The following HAPLN3 variants were observed in gnomAD, a reference collection of about 807,000 sequenced individuals.
HAPLN3 encodes the protein hyaluronan and proteoglycan link protein 3.
In HAPLN3, 28 loss-of-function variants were observed where a neutral mutation model predicts 28.1. The observed-to-expected ratio is 1.00, with a 90% CI of 0.74 to 1.37. The LOEUF (loss-of-function observed/expected upper bound fraction) is 1.37, where lower values mean the gene tolerates loss of function less well. HAPLN3 is among the 40% of genes most tolerant of loss of function. The pLI is 0.00. For synonymous variants in HAPLN3, 211 were observed against 213.1 expected, an observed-to-expected ratio of 0.99 and a Z score of 0.09; for missense variants, 513 against 504.6, an observed-to-expected ratio of 1.02 and a Z score of -0.16.
intron 2 of HAPLN3, among the ~76,000 whole-genome samples, chr15:88,884,598 T>A (rs567712507): frequency 1.7e-4 from 26 of 152,198 alleles, no homozygotes; most frequent in African/African-American, 5.3e-4. Context: ...AGGGCTTGTA[T>A]AACAAAATAA....
At chr15:88,892,558 C>T (rs1898040675) in intron 1 of HAPLN3, among the ~76,000 whole-genome samples, 2 of 152,126 alleles carry the variant, frequency 1.3e-5, no homozygotes, top group Non-Finnish European at 1.5e-5. Context: ...CCAGGCCTCT[C>T]TGAGAGAGGA....
chr15:88,885,084 C>A (rs1329663125), intron 2 of HAPLN3, among the ~76,000 whole-genome samples: 1 of 152,224 alleles, frequency 6.6e-6, no homozygotes, highest in African/African-American at 2.4e-5. Context: ...GGAGACTAAT[C>A]AAAAGAGGGA....
At chr15:88,891,298 A>AT (rs1417420706) in intron 1 of HAPLN3, among the ~76,000 whole-genome samples, 1 of 148,768 alleles carries the variant, frequency 6.7e-6, no homozygotes, top group African/African-American at 2.5e-5. Flanking sequence ...CATTTATTTT[A>AT]TTTTTGTTTT....
intron 2 of HAPLN3, among the ~76,000 whole-genome samples, chr15:88,884,828 C>T (rs564723603): frequency 6.6e-6 from 1 of 151,816 alleles, no homozygotes; most frequent in South Asian, 2.1e-4. Flanking sequence ...GAGAAGACCA[C>T]GTGACCAAGG....
At chr15:88,894,857 C>T (rs1337931650) in intron 1 of HAPLN3, among the ~76,000 whole-genome samples, 1 of 152,218 alleles carries the variant, frequency 6.6e-6, no homozygotes, top group Non-Finnish European at 1.5e-5. Flanking sequence ...CCTCCACCCT[C>T]CCTACCCTTC....
Position 88,879,056 on chromosome 15 carries a change from G to T in HAPLN3, c.707C>A (p.Pro236Gln). 1 of 1,606,066 alleles carries T rather than the reference G, an allele frequency of 6.2e-7. No individual in the cohort carries two copies. The change falls in exon 4 of 5, where the codon CCG (proline) becomes CAG (glutamine). Residue 236 changes from proline (P) to glutamine (Q), a missense_variant. Physicochemically the swap from Pro to Gln is moderately conservative, Grantham distance 76. Transcript: ENST00000359595. This position sits in a 1 kb window ranked among gnomAD's most constrained non-coding sequence, Gnocchi z 5.0. ...GCTTCGCACGCCAGGTGCCAGGCCC[G>T]GGCCACCGCAGGGCTGCCGGGGCAA... ...IMLPRQPCGG[P>Q]GLAPGVRSYG...
chr15:88,893,433 G>A (rs1321109542), intron 1 of HAPLN3, among the ~76,000 whole-genome samples: 1 of 151,740 alleles, frequency 6.6e-6, no homozygotes, highest in African/African-American at 2.4e-5. Flanking sequence ...AAAAAAATGG[G>A]CTGTGGTGAC....
rs1260649215 is a variant in HAPLN3 at position 88,881,808 on chromosome 15, G to A, written c.125-83C>T. On this transcript the variant is annotated intron_variant, in intron 2 of 4. Transcript: ENST00000359595. The surrounding 1 kb of genome is among the most constrained non-coding windows in gnomAD (Gnocchi z 6.0). Reference sequence around the variant, plus strand: ...AGGGCCACCGCACACCCTCATCCACGGCTCCTACAGGCTCAGATTGCAAAA... The same window carrying A: ...AGGGCCACCGCACACCCTCATCCACAGCTCCTACAGGCTCAGATTGCAAAA... The A allele has an allele frequency of 8.9e-6, 13 of 1,453,544 alleles. No individual in the cohort carries two copies. Among genetic ancestry groups the A allele is most frequent in the East Asian group, 2.3e-5 (1 of 43,294 alleles). The allele number at this position is 1,453,544 out of a possible 1,614,324, so 90.0% of individuals were successfully genotyped here. A position where few individuals can be genotyped will look rare whatever the true frequency, so the allele number is the denominator to read the frequency against.
chr15:88,882,654 A>T (rs1897738079), intron 2 of HAPLN3, among the ~76,000 whole-genome samples: 1 of 152,138 alleles, frequency 6.6e-6, no homozygotes, highest in Non-Finnish European at 1.5e-5. Context: ...CCCTGTTGGG[A>T]CCTCACTGAT....
Position 88,880,100 on chromosome 15 carries a change from G to A in HAPLN3, c.494-831C>T, listed in dbSNP as rs1050337334. On this transcript the variant is annotated intron_variant, in intron 3 of 4. Coordinates refer to ENST00000359595, the MANE Select transcript of HAPLN3 (RefSeq NM_178232.4). The surrounding 1 kb of genome is among the most constrained non-coding windows in gnomAD (Gnocchi z 6.0). ...CAGGCACCTGGGCAAAGCCAGGTTG[G>A]GCGGCAGAGAAGCCCATGGGCCCTG... 1.3e-5 allele frequency: 13 copies of A among 992,028 alleles called. No homozygotes were observed. In the African/African-American group the frequency reaches 2.1e-4, roughly 16 times the overall value. The allele number at this position is 992,028 out of a possible 1,614,324, so 61.5% of individuals were successfully genotyped here.
intron 1 of HAPLN3, among the ~76,000 whole-genome samples, chr15:88,894,469 T>G (rs1461512547): frequency 6.6e-6 from 1 of 152,086 alleles, no homozygotes; most frequent in East Asian, 1.9e-4. Context: ...GCCCGCGAGG[T>G]CTGCACGAGC....
chr15:88,887,410 C>T (rs980858032), intron 1 of HAPLN3, 65 bp from the exon 2 acceptor site: 4 of 1,398,386 alleles, frequency 2.9e-6, no homozygotes, highest in East Asian at 5.0e-5. Context: ...ATCCCCTCTG[C>T]TCCAACACCA....
rs1897681835 is a variant in HAPLN3 at position 88,881,021 on chromosome 15, T to A, written c.493+336A>T. ...ACCTTGCTTAAATCTCAGCTCTGTC[T>A]CTAATAAGCTGTGGGACCAGCTCTG... On this transcript the variant is annotated intron_variant, in intron 3 of 4. Coordinates refer to ENST00000359595, the MANE Select transcript of HAPLN3 (RefSeq NM_178232.4). This position sits in a 1 kb window ranked among gnomAD's most constrained non-coding sequence, Gnocchi z 6.0. 2.9e-6 allele frequency: 1 copy of A among 343,658 alleles called. No homozygotes were observed. Among genetic ancestry groups the A allele is most frequent in the African/African-American group, 2.1e-5 (1 of 46,908 alleles). 21.3% of individuals were successfully genotyped at this position (343,658 alleles called of 1,614,324 possible).
intron 1 of HAPLN3, among the ~76,000 whole-genome samples, chr15:88,887,800 C>T (rs916425483): frequency 4.0e-5 from 6 of 151,870 alleles, no homozygotes; most frequent in Non-Finnish European, 7.4e-5. Context: ...CCCGTCTCTA[C>T]TAAAAATACA....
In HAPLN3 at chr15:88,881,460, C is replaced by T. The variant is rs78894646; in HGVS notation, c.390G>A (p.Ser130=). 2.3e-3 allele frequency: 3,647 copies of T among 1,614,046 alleles called. 77 individuals are homozygous for T. In the African/African-American group the frequency reaches 0.043, roughly 19 times the overall value. The change falls in exon 3 of 5, where the codon TCG becomes TCA. Residue 130 remains serine, a synonymous_variant. Transcript: ENST00000359595. The surrounding 1 kb of genome is among the most constrained non-coding windows in gnomAD (Gnocchi z 6.0). ...HLRQDKEHDV[S]LEIQDLRLED... is the part of the protein sequence containing the mutation. ...CCAGCCGCAGATCCTGGATCTCCAG[C>T]GAGACGTCATGCTCTTTGTCCTGCC... is the stretch of plus-strand genomic sequence containing the variant.
At chr15:88,890,618 G>C (rs1017778607) in intron 1 of HAPLN3, among the ~76,000 whole-genome samples, 12 of 152,172 alleles carry the variant, frequency 7.9e-5, no homozygotes, top group Admixed American at 7.9e-4. Context: ...GCAGCTAGGA[G>C]AGCTATGTGA....
intron 1 of HAPLN3, among the ~76,000 whole-genome samples, chr15:88,889,727 G>T (rs1897960469): frequency 6.6e-6 from 1 of 152,228 alleles, no homozygotes; most frequent in South Asian, 2.1e-4. Context: ...TCCCTGCAGG[G>T]GCTGAGTGGA....
rs1897922852 is a variant in HAPLN3, at chr15:88,888,329, G to A, written c.-47-984C>T. Among the ~76,000 whole-genome samples the A allele has an allele frequency of 6.6e-6, 1 of 152,006 alleles. No homozygotes were observed. The highest frequency in any genetic ancestry group is 1.5e-5 in the Non-Finnish European group (1 of 68,016). ...GATGATCTCAATCTCCTGACCTAGTGATCAGCCCGCCTCGGCCTCCCAAAG... is the reference window on the plus strand; with the variant it reads ...GATGATCTCAATCTCCTGACCTAGTAATCAGCCCGCCTCGGCCTCCCAAAG... On this transcript the variant is annotated intron_variant, in intron 1 of 4. Coordinates refer to ENST00000359595, the MANE Select transcript of HAPLN3 (RefSeq NM_178232.4). The surrounding 1 kb of genome is among the most constrained non-coding windows in gnomAD (Gnocchi z 4.1).
At chr15:88,887,845 C>T (rs189585702) in intron 1 of HAPLN3, among the ~76,000 whole-genome samples, 1 of 152,084 alleles carries the variant, frequency 6.6e-6, no homozygotes, top group East Asian at 1.9e-4. Context: ...TGTCTGTAAT[C>T]CCAGCTACTC....
Sources: gnomAD v4.1 joint callset for allele counts (sites outside exome capture counted in the v4.1 genomes callset) on GRCh38, gnomAD v4.1.1 for gene constraint, Gnocchi (gnomAD v3.1) non-coding constraint, MANE v1.5 for transcripts, NCBI Gene and HGNC (gene_info 2026-07-23, HGNC 2026-07-21) for gene names.